Variants in HSPG2 observed in about 807,000 individuals in gnomAD.
HSPG2 encodes the protein basement membrane-specific heparan sulfate proteoglycan core protein.
In HSPG2, 278 loss-of-function variants were observed where a neutral mutation model predicts 526.6. The observed-to-expected ratio is 0.53, with a 90% CI of 0.48 to 0.58. The LOEUF is 0.58. Ranked by LOEUF, HSPG2 falls within the 20% of genes least tolerant of loss-of-function variation. The pLI is 0.00. For synonymous variants in HSPG2, 2,465 were observed against 2,555.4 expected (o/e 0.96, Z 1.07); for missense variants, 5,354 against 6,099.5 (o/e 0.88, Z 4.07).
In HSPG2 at chr1:21,880,539, A is replaced by G. The variant is rs551540891; in HGVS notation, c.2019T>C (p.Ser673=). ...QFSEEHWVHE[S]GRPVQRAELL... Reference sequence around the variant, plus strand: ...GCTCCGCGCGCTGCACCGGCCGGCCAGACTCATGGACCCAGTGCTCCTGGG... The same window carrying G: ...GCTCCGCGCGCTGCACCGGCCGGCCGGACTCATGGACCCAGTGCTCCTGGG... Residue 673 remains serine, a synonymous_variant, in exon 16 of 97, where the codon TCT becomes TCC. Transcript: ENST00000374695. The G allele has an allele frequency of 2.4e-5, 39 of 1,613,444 alleles. No homozygotes were observed. The highest frequency in any genetic ancestry group is 3.3e-5 in the Non-Finnish European group (39 of 1,179,968).
At chr1:21,876,198 A>C (rs759639262) in intron 23 of HSPG2, 31 bp downstream of exon 23, 21 of 1,586,166 alleles carry the variant, frequency 1.3e-5, no homozygotes, top group Non-Finnish European at 1.8e-5. Context: ...TGCTGCCTGG[A>C]GTTTCCTTTG....
chr1:21,865,669 C>A lies in HSPG2; in HGVS notation c.4314+48G>T, dbSNP rs371865239. On this transcript the variant is annotated intron_variant, in intron 34 of 96. Coordinates refer to ENST00000374695, the MANE Select transcript of HSPG2 (RefSeq NM_005529.7). The surrounding 1 kb of genome is among the most constrained non-coding windows in gnomAD (Gnocchi z 5.4). ...GGACAAATGCCGAGGGTGCCCCTGG[C>A]TTCCATCCTGCCCTTCTGCCCACCC... 6.8e-7 allele frequency: 1 copy of A among 1,472,802 alleles called. No homozygotes were observed. The highest frequency in any genetic ancestry group is 9.5e-7 in the Non-Finnish European group (1 of 1,051,696). The allele number at this position is 1,472,802 out of a possible 1,614,324, so 91.2% of individuals were successfully genotyped here.
At chr1:21,829,800 CAG>C (rs1210647745) in intron 86 of HSPG2, 191 bp downstream of exon 86, 2 of 703,040 alleles carry the variant, frequency 2.8e-6, no homozygotes, top group Admixed American at 2.4e-5. Context: ...TCCAATATGA[CAG>C]GGGTCCTCTT....
chr1:21,841,958 A>C, intron 69 of HSPG2, 44 bp downstream of exon 69: 1 of 1,609,684 alleles, frequency 6.2e-7, no homozygotes. Context: ...CGGCACCCCC[A>C]TGCCTGCCCC....
Position 21,876,415 on chromosome 1 carries a change from G to A in HSPG2, c.2827-10C>T. The A allele has an allele frequency of 6.2e-7, 1 of 1,610,404 alleles. No homozygotes were observed. The highest frequency in any genetic ancestry group is 8.5e-7 in the Non-Finnish European group (1 of 1,178,382). ...CAGAGGCCCCATGCAACTGGGAGGA[G>A]GAGAAAGGGCTGGGATGGGGGCCGT... On this transcript the variant is annotated splice_polypyrimidine_tract_variant and intron_variant, in intron 22 of 96. Coordinates refer to ENST00000374695, the MANE Select transcript of HSPG2 (RefSeq NM_005529.7).
chr1:21,900,126 C>T (rs1643011649), intron 1 of HSPG2, among the ~76,000 whole-genome samples: 1 of 152,196 alleles, frequency 6.6e-6, no homozygotes, highest in South Asian at 2.1e-4. Context: ...CAGAGGAACC[C>T]AGCACTTCAG....
At chr1:21,905,966 C>T (rs538972053) in intron 1 of HSPG2, among the ~76,000 whole-genome samples, 5 of 152,334 alleles carry the variant, frequency 3.3e-5, no homozygotes, top group East Asian at 1.9e-4. Context: ...GCTATGATTG[C>T]ACCACTGTAC....
intron 13 of HSPG2, among the ~76,000 whole-genome samples, chr1:21,883,891 G>T (rs1413699525): frequency 1.3e-5 from 2 of 152,170 alleles, no homozygotes; most frequent in Non-Finnish European, 2.9e-5. Flanking sequence ...GAGTCCATCT[G>T]CCTGCCTCTA....
intron 28 of HSPG2, among the ~76,000 whole-genome samples, 179 bp from the exon 29 acceptor site, chr1:21,874,190 C>T (rs949145102): frequency 1.3e-5 from 2 of 152,222 alleles, no homozygotes; most frequent in African/African-American, 4.8e-5. Context: ...TCATTCAACT[C>T]TCACACAAGG....
At chr1:21,909,913 G>A (rs1260221901) in intron 1 of HSPG2, among the ~76,000 whole-genome samples, 10 of 152,236 alleles carry the variant, frequency 6.6e-5, no homozygotes, top group Admixed American at 3.9e-4. Context: ...GCACAGAGCC[G>A]TCCCTGGGAG....
In HSPG2 at chr1:21,829,546, G is replaced by A; in HGVS notation, c.11829C>T (p.Ala3943=). The part of the protein sequence containing the change: ...SGAGSYLALP[A]LTNTHHELRL... ...GTAGCTCGTGGTGTGTGTTGGTGAG[G>A]GCGGGCAGTGCCAGGTAGGAGCCAG... Residue 3943 remains alanine (A), a synonymous_variant, in exon 87 of 97, where the codon GCC becomes GCT. Transcript: ENST00000374695. The A allele has an allele frequency of 6.2e-7, 1 of 1,612,416 alleles. No individual in the cohort carries two copies. Among genetic ancestry groups the A allele is most frequent in the Non-Finnish European group, 8.5e-7 (1 of 1,179,378 alleles).
chr1:21,836,052 G>A (rs181139525), intron 75 of HSPG2, among the ~76,000 whole-genome samples: 18 of 150,982 alleles, frequency 1.2e-4, no homozygotes, highest in African/African-American at 4.4e-4. Flanking sequence ...AGAACAGCAC[G>A]CAGTGTTGCA....
At chr1:21,896,141 C>A (rs1642729399) in intron 2 of HSPG2, 34 bp downstream of exon 2, 3 of 1,613,584 alleles carry the variant, frequency 1.9e-6, no homozygotes, top group South Asian at 1.1e-5. Context: ...TCACCCCCCA[C>A]CCCTCTGCTC....
Position 21,828,292 on chromosome 1 carries a change from C to T in HSPG2, c.12372G>A (p.Glu4124=). Residue 4124 remains glutamate (E), a synonymous_variant, in exon 89 of 97, where the codon GAG becomes GAA. Coordinates refer to ENST00000374695, the MANE Select transcript of HSPG2 (RefSeq NM_005529.7). This position sits in a 1 kb window ranked among gnomAD's most constrained non-coding sequence, Gnocchi z 6.0. ...QHGATCMPAG[E]YEFQCLCRDG... ...CTCGACACAGGCACTGGAACTCATA[C>T]TCGCCAGCGGGCATGCACGTGGCAC... The T allele has an allele frequency of 6.2e-7, 1 of 1,613,806 alleles. No homozygotes were observed. Among genetic ancestry groups the T allele is most frequent in the African/African-American group, 1.3e-5 (1 of 75,044 alleles).
intron 1 of HSPG2, among the ~76,000 whole-genome samples, chr1:21,929,671 T>G (rs933076433): frequency 1.3e-5 from 2 of 151,780 alleles, no homozygotes; most frequent in Admixed American, 1.3e-4. Flanking sequence ...CTGAGAATTC[T>G]GGACTCCACC....
chr1:21,891,317 G>C (rs1441739107), intron 3 of HSPG2, among the ~76,000 whole-genome samples: 1 of 152,218 alleles, frequency 6.6e-6, no homozygotes, highest in African/African-American at 2.4e-5. Context: ...TTCCTAATGG[G>C]GATATTGACT....
Position 21,872,948 on chromosome 1 carries a change from T to C in HSPG2, c.3888+49A>G. On this transcript the variant is annotated intron_variant, in intron 31 of 96. Coordinates refer to ENST00000374695, the MANE Select transcript of HSPG2 (RefSeq NM_005529.7). The surrounding 1 kb of genome is among the most constrained non-coding windows in gnomAD (Gnocchi z 5.5). ...TGCTGCCTGATTTCCCCGCAGGGTC[T>C]GGGCAGCGGGGCAGAGCAGGCCCCG... 6.3e-7 allele frequency: 1 copy of C among 1,577,054 alleles called. No homozygotes were observed. Among genetic ancestry groups the C allele is most frequent in the Non-Finnish European group, 8.7e-7 (1 of 1,147,136 alleles).
At chr1:21,866,157 T>C (rs1201896581) in intron 33 of HSPG2, among the ~76,000 whole-genome samples, 1 of 152,136 alleles carries the variant, frequency 6.6e-6, no homozygotes, top group Non-Finnish European at 1.5e-5. Context: ...ATGACCACCA[T>C]GGGGAGGCTG....
intron 9 of HSPG2, 118 bp from the exon 10 acceptor site, chr1:21,885,569 C>A: frequency 8.5e-7 from 1 of 1,170,924 alleles, no homozygotes; most frequent in Non-Finnish European, 1.2e-6. Flanking sequence ...CATGCCTAGC[C>A]CCTGCTGCAC....
Sources: allele counts gnomAD v4.1 joint callset (sites outside exome capture counted in the v4.1 genomes callset), GRCh38; gene constraint gnomAD v4.1.1; non-coding constraint Gnocchi (gnomAD v3.1); transcripts MANE v1.5; gene names NCBI Gene and HGNC (gene_info 2026-07-23, HGNC 2026-07-21).